ACAD11: variants seen among roughly 807,000 people sequenced by gnomAD.
ACAD11 encodes the protein acyl-CoA dehydrogenase family member 11, also known as acyl-Coenzyme A dehydrogenase family, member 11.
ACAD11 carries 83 observed loss-of-function variants against 102.2 expected under a neutral mutation model. That is an observed-to-expected ratio of 0.81 (90% confidence interval 0.68 to 0.97). The LOEUF (loss-of-function observed/expected upper bound fraction) is 0.97, where lower values mean the gene tolerates loss of function less well. Ranked by LOEUF, ACAD11 falls within the 50% of genes least tolerant of loss-of-function variation. The pLI, the probability that ACAD11 is intolerant of heterozygous loss-of-function variation, is 0.00. For synonymous variants in ACAD11, 324 were observed against 319.8 expected (o/e 1.01, Z -0.14); for missense variants, 901 against 951.7 (o/e 0.95, Z 0.70).
At chr3:132,620,959 T>C (rs1174146523) in intron 9 of ACAD11, among the ~76,000 whole-genome samples, 1 of 151,970 alleles carries the variant, frequency 6.6e-6, no homozygotes, top group Non-Finnish European at 1.5e-5. Context: ...AAACAAATCA[T>C]AAATTGGAAG....
rs200090091 is a variant in ACAD11, at chr3:132,630,422, A to C, written c.963+15T>G. The C allele has an allele frequency of 1.9e-6, 3 of 1,608,690 alleles. No homozygotes were observed. Among genetic ancestry groups the C allele is most frequent in the Middle Eastern group, 1.7e-4 (1 of 6,034 alleles). ...GTAAATAATGGCGAAACACACGTTT[A>C]AAACAATTAATTACCTGTGCTATTC... is the stretch of plus-strand genomic sequence containing the variant. On this transcript the variant is annotated intron_variant, in intron 7 of 19. Coordinates refer to ENST00000264990, the MANE Select transcript of ACAD11 (RefSeq NM_032169.5).
At chr3:132,599,908 TA>T (rs1263273005) in intron 13 of ACAD11, among the ~76,000 whole-genome samples, 2 of 152,128 alleles carry the variant, frequency 1.3e-5, no homozygotes, top group Non-Finnish European at 2.9e-5. Context: ...AACATCAAAA[TA>T]AAAAATAAAT....
chr3:132,579,288 G>A (rs1012265595), intron 14 of ACAD11: 9 of 619,562 alleles, frequency 1.5e-5, no homozygotes, highest in Non-Finnish European at 2.4e-5. Context: ...ATTCCACAGC[G>A]AAGAATGTTC....
intron 13 of ACAD11, among the ~76,000 whole-genome samples, chr3:132,589,656 TAGGACATA>T (rs764169638): frequency 7.9e-5 from 12 of 152,162 alleles, no homozygotes; most frequent in Non-Finnish European, 1.5e-4. Flanking sequence ...AAAATCAGAT[TAGGACATA>T]ACAACATGAT....
At chr3:132,584,079 T>C (rs1937685460) in intron 13 of ACAD11, among the ~76,000 whole-genome samples, 1 of 152,216 alleles carries the variant, frequency 6.6e-6, no homozygotes, top group Non-Finnish European at 1.5e-5. Context: ...CTAGGTCCGC[T>C]TGGTGCAGAA....
chr3:132,652,661 T>G (rs941311462), intron 1 of ACAD11, among the ~76,000 whole-genome samples: 3 of 151,946 alleles, frequency 2.0e-5, no homozygotes, highest in African/African-American at 7.3e-5. Flanking sequence ...AAACAGATCA[T>G]GAGAAAAAAA....
At chr3:132,570,991 C>T (rs994874189) in intron 17 of ACAD11, among the ~76,000 whole-genome samples, 9 of 152,102 alleles carry the variant, frequency 5.9e-5, no homozygotes, top group Non-Finnish European at 1.3e-4. Flanking sequence ...GTGTCTTTAA[C>T]GTAGAATGAC....
intron 15 of ACAD11, 129 bp from the exon 16 acceptor site, chr3:132,577,144 TGA>T: frequency 1.5e-6 from 1 of 649,108 alleles, no homozygotes; most frequent in Non-Finnish European, 2.7e-6. Context: ...ATGAACATTC[TGA>T]GGTAAGCCTC....
At chr3:132,637,100 A>G (rs746681597) in intron 5 of ACAD11, among the ~76,000 whole-genome samples, 9 of 152,170 alleles carry the variant, frequency 5.9e-5, no homozygotes, top group Non-Finnish European at 1.2e-4. Context: ...CAGCAAAAAT[A>G]TGAGGATTCA....
Position 132,631,450 on chromosome 3 carries a change from C to A in ACAD11, c.732G>T (p.Glu244Asp). The change falls in exon 6 of 20, where the codon GAG becomes GAT. Residue 244 changes from glutamate (E) to aspartate (D), a missense_variant. Glu to Asp is a conservative substitution (Grantham distance 45). Coordinates refer to ENST00000264990, the MANE Select transcript of ACAD11 (RefSeq NM_032169.5). Reference sequence around the variant, plus strand: ...ACAAAGGATGACCAATGGTTGACAGCTCCCAATCCAGCACTGCTATAACTC... The same window carrying A: ...ACAAAGGATGACCAATGGTTGACAGATCCCAATCCAGCACTGCTATAACTC... ...ECRVIAVLDWELSTIGHPLSD... is the reference protein window; with the variant it reads ...ECRVIAVLDWDLSTIGHPLSD... 6.5e-7 allele frequency: 1 copy of A among 1,542,110 alleles called. No homozygotes were observed. The highest frequency in any genetic ancestry group is 1.3e-5 in the South Asian group (1 of 78,190).
chr3:132,610,991 G>C (rs183579069), intron 11 of ACAD11, among the ~76,000 whole-genome samples: 2,268 of 152,008 alleles, frequency 0.015, 66 homozygotes, highest in African/African-American at 0.052. Context: ...ACTGGCAAAC[G>C]GAATCCAGCA....
intron 11 of ACAD11, among the ~76,000 whole-genome samples, chr3:132,613,896 T>C (rs181112153): frequency 6.6e-6 from 1 of 151,774 alleles, no homozygotes; most frequent in East Asian, 1.9e-4. Context: ...TGAGACTCCA[T>C]CTCAAAAAAG....
Position 132,618,852 on chromosome 3 carries a change from T to C in ACAD11, c.1276-80A>G, listed in dbSNP as rs76212309. The C allele has an allele frequency of 7.5e-3, 9,833 of 1,319,402 alleles. 665 individuals are homozygous for C. In the East Asian group the frequency reaches 0.19, roughly 25 times the overall value. 81.7% of individuals were successfully genotyped at this position (1,319,402 alleles called of 1,614,324 possible). Reference sequence around the variant, plus strand: ...GTTTATTTCTTTTTTTAAATATTGGTATTTATGATCTTTGAAATTTAAAAA... The same window carrying C: ...GTTTATTTCTTTTTTTAAATATTGGCATTTATGATCTTTGAAATTTAAAAA... On this transcript the variant is annotated intron_variant, in intron 10 of 19. Coordinates refer to ENST00000264990, the MANE Select transcript of ACAD11 (RefSeq NM_032169.5).
chr3:132,646,646 T>G (rs1314185079), intron 1 of ACAD11: 4 of 152,224 alleles, frequency 2.6e-5, no homozygotes, highest in African/African-American at 9.6e-5. Context: ...TACATGAATG[T>G]TCACAGCAGT....
intron 13 of ACAD11, among the ~76,000 whole-genome samples, chr3:132,586,619 T>C (rs1338249181): frequency 6.6e-6 from 1 of 152,150 alleles, no homozygotes; most frequent in Non-Finnish European, 1.5e-5. Flanking sequence ...ATATTACATC[T>C]GAGAGAGAAA....
intron 17 of ACAD11, among the ~76,000 whole-genome samples, chr3:132,566,526 C>T (rs1203659292): frequency 2.6e-5 from 4 of 152,052 alleles, no homozygotes; most frequent in Non-Finnish European, 5.9e-5. Flanking sequence ...TACCAACACA[C>T]ATCATGATTA....
chr3:132,578,816 A>T lies in ACAD11; in HGVS notation c.1754T>A (p.Leu585Ter). Reference protein sequence around the residue: ...NTPGVKIIRPLSVFGYTDNFH... With the variant: ...NTPGVKIIRP ...CCTACCTGTGTAGCCAAAAACTGACAAAGGCCTTATTATTTTTACTCCAGG... is the reference window on the plus strand; with the variant it reads ...CCTACCTGTGTAGCCAAAAACTGACTAAGGCCTTATTATTTTTACTCCAGG... The change falls in exon 15 of 20, where the codon TTG becomes TAG. Residue 585 changes from leucine to a stop codon, truncating the protein, a stop_gained. Transcript: ENST00000264990. LOFTEE classifies it high-confidence loss of function. 1 of 1,611,966 alleles carries T rather than the reference A, an allele frequency of 6.2e-7. No homozygotes were observed. Among genetic ancestry groups the T allele is most frequent in the South Asian group, 1.1e-5 (1 of 90,884 alleles).
intron 1 of ACAD11, among the ~76,000 whole-genome samples, chr3:132,656,190 A>G (rs1280783359): frequency 6.6e-6 from 1 of 152,194 alleles, no homozygotes; most frequent in East Asian, 1.9e-4. Flanking sequence ...ATGCTACTCC[A>G]TTATGTGAAT....
Position 132,628,418 on chromosome 3 carries a change from T to C in ACAD11, c.992A>G (p.Asn331Ser), listed in dbSNP as rs779404812. 6.2e-7 allele frequency: 1 copy of C among 1,612,266 alleles called. No individual in the cohort carries two copies. Among genetic ancestry groups the C allele is most frequent in the Non-Finnish European group, 8.5e-7 (1 of 1,179,154 alleles). ...TAAAAAGCTATCCTCAGATGAATTA[T>C]TTCCCAGAAGATATCTGCTATATAC... ...QGVYSRYLLGNNSSEDSFLFA... is the reference protein window; with the variant it reads ...QGVYSRYLLGSNSSEDSFLFA... Residue 331 changes from asparagine to serine, a missense_variant, in exon 8 of 20, where the codon AAT (asparagine) becomes AGT (serine). By Grantham distance (46) the Asn-to-Ser change is conservative. Transcript: ENST00000264990.
Sources: allele counts gnomAD v4.1 joint callset (sites outside exome capture counted in the v4.1 genomes callset), GRCh38; gene constraint gnomAD v4.1.1; transcripts MANE v1.5; gene names NCBI Gene and HGNC (gene_info 2026-07-23, HGNC 2026-07-21).